The following SLC39A9 variants were observed in gnomAD, a reference collection of about 807,000 sequenced individuals.
SLC39A9 encodes the protein solute carrier family 39 member 9.
A neutral mutation model predicts 28.4 loss-of-function variants in SLC39A9; 14 were observed. The ratio of observed to expected loss-of-function variants is 0.49; its 90% confidence interval spans 0.33 to 0.77. The LOEUF (loss-of-function observed/expected upper bound fraction) is 0.77, where lower values mean the gene tolerates loss of function less well. Among genes scored for constraint, SLC39A9 ranks in the 30% least tolerant of loss-of-function variants. The pLI, the probability that SLC39A9 is intolerant of heterozygous loss-of-function variation, is 0.02. For synonymous variants in SLC39A9, 119 were observed against 149.6 expected (o/e 0.80, Z 1.49); for missense variants, 283 against 381.1 (o/e 0.74, Z 2.14).
Position 69,398,742 on chromosome 14 carries a change from G to A in SLC39A9, c.-628G>A. ...GCAGCTGTAGTATCGGCGACTCCGG[G>A]TCAAGGCCCGGTCGAGTGCAGTACC... On this transcript the variant is annotated 5_prime_UTR_variant, in exon 1 of 7. Coordinates refer to ENST00000336643, the MANE Select transcript of SLC39A9 (RefSeq NM_018375.5). 1 of 222,130 alleles carries A rather than the reference G, an allele frequency of 4.5e-6. No individual in the cohort carries two copies. The highest frequency in any genetic ancestry group is 5.1e-5 in the South Asian group (1 of 19,450). 13.8% of individuals were successfully genotyped at this position (222,130 alleles called of 1,614,324 possible).
chr14:69,414,973 G>A (rs534805412), intron 1 of SLC39A9, among the ~76,000 whole-genome samples: 19 of 152,276 alleles, frequency 1.2e-4, no homozygotes, highest in African/African-American at 4.1e-4. Context: ...TCATTTATGT[G>A]CTGTATGTAG....
chr14:69,439,159 A>C (rs1884923122), intron 2 of SLC39A9, among the ~76,000 whole-genome samples: 1 of 152,222 alleles, frequency 6.6e-6, no homozygotes, highest in Non-Finnish European at 1.5e-5. Context: ...TTTGAAAAAG[A>C]AACTATGAAA....
Position 69,434,078 on chromosome 14 carries a change from C to T in SLC39A9, c.206-7991C>T, listed in dbSNP as rs896427405. ...GAGATTACAGGCATGTAATTCTTTT[C>T]TTTTCTTTTTTTTTTTTTTTTGCGC... On this transcript the variant is annotated intron_variant, in intron 2 of 6. Transcript: ENST00000336643. Among the ~76,000 whole-genome samples the T allele has an allele frequency of 2.5e-3, 335 of 134,622 alleles. 2 individuals carry two copies. The highest frequency in any genetic ancestry group is 8.8e-3 in the African/African-American group (323 of 36,876). The allele number at this position is 134,622 out of a possible 152,430, so 88.3% of individuals were successfully genotyped here.
intron 1 of SLC39A9, among the ~76,000 whole-genome samples, chr14:69,422,564 C>T (rs533006194): frequency 1.2e-4 from 18 of 152,232 alleles, no homozygotes; most frequent in East Asian, 7.7e-4. Context: ...TGCACACCAC[C>T]GGGCCTGGCT....
chr14:69,432,196 C>T lies in SLC39A9; in HGVS notation c.205+7994C>T, dbSNP rs562546948. ...TTCCCATCAACAGTGTATAAGTGTT[C>T]CCTTTTCTCCCTAGCCTTGCCAGCA... is the stretch of plus-strand genomic sequence containing the variant. On this transcript the variant is annotated intron_variant, in intron 2 of 6. Transcript: ENST00000336643. Among the ~76,000 whole-genome samples the T allele has an allele frequency of 6.6e-5, 10 of 152,262 alleles. 1 individual carries two copies. The highest frequency in any genetic ancestry group is 5.9e-4 in the Admixed American group (9 of 15,286).
At chr14:69,398,439 A>G (rs896254057), upstream of SLC39A9, 36 of 640,832 alleles carry the variant, frequency 5.6e-5, no homozygotes, top group African/African-American at 6.3e-4. Context: ...CATCTTCGAT[A>G]AAGGCAAAAA....
In SLC39A9 at chr14:69,445,117, G is replaced by T. The variant is rs571421707; in HGVS notation, c.403+2851G>T. Reference sequence around the variant, plus strand: ...ACTATGTTTTATGTAAGAAAGAAGGGGAAATAAGAAAAACATACAGTTGAC... The same window carrying T: ...ACTATGTTTTATGTAAGAAAGAAGGTGAAATAAGAAAAACATACAGTTGAC... On this transcript the variant is annotated intron_variant, in intron 3 of 6. Coordinates refer to ENST00000336643, the MANE Select transcript of SLC39A9 (RefSeq NM_018375.5). 8.6e-5 allele frequency among the ~76,000 whole-genome samples: 13 copies of T among 151,930 alleles called. No individual in the cohort carries two copies. The East Asian group carries it at 2.5e-3, about 29-fold the overall frequency.
chr14:69,458,835 C>G lies in SLC39A9; in HGVS notation c.*242C>G. ...GTGTTATCTTTTAAAAGGCCCTTGA[C>G]ATTTTGCGTTTTAATATTTCTCTTA... On this transcript the variant is annotated 3_prime_UTR_variant, in exon 7 of 7. Coordinates refer to ENST00000336643, the MANE Select transcript of SLC39A9 (RefSeq NM_018375.5). The G allele has an allele frequency of 8.0e-7, 1 of 1,249,762 alleles. No homozygotes were observed. Among genetic ancestry groups the G allele is most frequent in the Non-Finnish European group, 1.0e-6 (1 of 995,330 alleles). The allele number at this position is 1,249,762 out of a possible 1,614,324, so 77.4% of individuals were successfully genotyped here.
chr14:69,409,497 C>A (rs559068846), intron 1 of SLC39A9, among the ~76,000 whole-genome samples: 3 of 150,890 alleles, frequency 2.0e-5, no homozygotes, highest in Non-Finnish European at 4.4e-5. Flanking sequence ...GCCACCAGGC[C>A]CAGCTAATTT....
intron 2 of SLC39A9, among the ~76,000 whole-genome samples, chr14:69,427,907 C>A (rs1287150954): frequency 6.6e-6 from 1 of 152,142 alleles, no homozygotes; most frequent in East Asian, 1.9e-4. Context: ...ATGAATTCTG[C>A]TAAGATAGAA....
intron 3 of SLC39A9, among the ~76,000 whole-genome samples, chr14:69,446,024 TG>T (rs1182227395): frequency 1.0e-5 from 1 of 97,562 alleles, no homozygotes; most frequent in African/African-American, 4.7e-5. Flanking sequence ...CTGAACTCGT[TG>T]TTGTTGTTGT....
At chr14:69,437,594 G>GTTTTT (rs533128992) in intron 2 of SLC39A9, among the ~76,000 whole-genome samples, 1 of 143,440 alleles carries the variant, frequency 7.0e-6, no homozygotes, top group Non-Finnish European at 1.5e-5. Flanking sequence ...TTTTTTGTTT[G>GTTTTT]TTTTTTTTTT....
chr14:69,452,437 C>A (rs1885652392), intron 3 of SLC39A9, among the ~76,000 whole-genome samples: 1 of 152,122 alleles, frequency 6.6e-6, no homozygotes, highest in Admixed American at 6.6e-5. Flanking sequence ...TCAAGCAGTT[C>A]TCCTGCCTCA....
chr14:69,405,468 T>C (rs1168697354), intron 1 of SLC39A9, among the ~76,000 whole-genome samples: 1 of 152,236 alleles, frequency 6.6e-6, no homozygotes, highest in African/African-American at 2.4e-5. Flanking sequence ...TTCTAAGATT[T>C]GAGCCGGGCA....
At chr14:69,427,838 A>T (rs754281905) in intron 2 of SLC39A9, among the ~76,000 whole-genome samples, 1 of 152,250 alleles carries the variant, frequency 6.6e-6, no homozygotes, top group Admixed American at 6.5e-5. Context: ...AACAGGATCT[A>T]CTTAGAGGCA....
intron 2 of SLC39A9, among the ~76,000 whole-genome samples, chr14:69,440,595 AAG>A (rs1377186961): frequency 6.6e-6 from 1 of 152,136 alleles, no homozygotes; most frequent in Admixed American, 6.5e-5. Flanking sequence ...AAAAGAAAGA[AAG>A]AGAGAGAGAC....
At chr14:69,413,190 A>T (rs1449266725) in intron 1 of SLC39A9, among the ~76,000 whole-genome samples, 2 of 152,114 alleles carry the variant, frequency 1.3e-5, no homozygotes, top group Admixed American at 1.3e-4. Context: ...CCCTGTCTCT[A>T]CTAAAAATAC....
At chr14:69,423,914 A>G (rs201257453) in intron 1 of SLC39A9, among the ~76,000 whole-genome samples, 180 bp from the exon 2 acceptor site, 6,691 of 151,460 alleles carry the variant, frequency 0.044, 198 homozygotes, top group South Asian at 0.1. Flanking sequence ...AAAAAAAAAA[A>G]ATTCATCTCT....
intron 2 of SLC39A9, among the ~76,000 whole-genome samples, chr14:69,439,990 C>T (rs1033263242): frequency 3.9e-5 from 6 of 152,126 alleles, no homozygotes; most frequent in African/African-American, 1.4e-4. Flanking sequence ...TTAGTTGACT[C>T]ACAGTTCAGC....
Sources: allele counts gnomAD v4.1 joint callset (sites outside exome capture counted in the v4.1 genomes callset), GRCh38; gene constraint gnomAD v4.1.1; transcripts MANE v1.5; gene names NCBI Gene and HGNC (gene_info 2026-07-23, HGNC 2026-07-21).